The following ADGRF4 variants were observed in gnomAD, a reference collection of about 807,000 sequenced individuals.
The protein encoded by ADGRF4 is G-protein coupled receptor PGR18.
Under a neutral mutation model 58.5 loss-of-function variants are expected in ADGRF4, and 63 were observed. That is an observed-to-expected ratio of 1.08 (90% CI 0.88 to 1.33). The LOEUF is 1.33. Ranked by LOEUF, ADGRF4 falls within the 40% of genes most tolerant of loss-of-function variation. The pLI is 0.00. For synonymous variants in ADGRF4, 313 were observed against 295.4 expected (o/e 1.06, Z -0.61); for missense variants, 931 against 843.9 (o/e 1.10, Z -1.28).
Position 47,710,146 on chromosome 6 carries a change from T to G in ADGRF4, c.149-589T>G, listed in dbSNP as rs1297454490. On this transcript the variant is annotated intron_variant, in intron 3 of 9. Transcript: ENST00000283303. The stretch of plus-strand genomic sequence containing the variant: ...GATGAAATTGTTGTAAGCAGAAGCT[T>G]GTAGGACCCTAACCTTATATTACCC... 2.0e-5 allele frequency among the ~76,000 whole-genome samples: 3 copies of G among 152,196 alleles called. No homozygotes were observed. The East Asian group carries it at 5.8e-4, about 29-fold the overall frequency.
intron 1 of ADGRF4, among the ~76,000 whole-genome samples, chr6:47,706,635 A>G (rs1484225129): frequency 6.6e-6 from 1 of 152,210 alleles, no homozygotes; most frequent in East Asian, 1.9e-4. Context: ...GACAGCCCCC[A>G]ACAGCAAAGA....
intron 3 of ADGRF4, 76 bp downstream of exon 3, chr6:47,708,354 TG>T: frequency 8.9e-7 from 1 of 1,121,468 alleles, no homozygotes; most frequent in Non-Finnish European, 1.4e-6. Context: ...GTTGCAAGCT[TG>T]TCCCCAGACC....
At position 47,713,989 on chromosome 6, in the gene ADGRF4, C is replaced by G; in HGVS notation, c.744C>G (p.Asn248Lys). The G allele has an allele frequency of 9.3e-6, 15 of 1,604,762 alleles. No homozygotes were observed. Among genetic ancestry groups the G allele is most frequent in the Non-Finnish European group, 1.3e-5 (15 of 1,175,288 alleles). The change falls in exon 6 of 10, where the codon AAC (asparagine) becomes AAG (lysine). Residue 248 changes from asparagine (N) to lysine (K), a missense_variant. Physicochemically the swap from Asn to Lys is moderately conservative, Grantham distance 94. Coordinates refer to ENST00000283303, the MANE Select transcript of ADGRF4 (RefSeq NM_153838.5). Reference sequence around the variant, plus strand: ...TTCAGACAAAAGGGTTTCACATCAACCATAATACCTCAGAGAAAAGCCTCA... The same window carrying G: ...TTCAGACAAAAGGGTTTCACATCAAGCATAATACCTCAGAGAAAAGCCTCA... The part of the protein sequence containing the change: ...LFIQTKGFHI[N>K]HNTSEKSLNF...
chr6:47,710,453 T>C (rs942571054), intron 3 of ADGRF4, among the ~76,000 whole-genome samples: 1 of 152,206 alleles, frequency 6.6e-6, no homozygotes, highest in Non-Finnish European at 1.5e-5. Context: ...ACCCCTGCTT[T>C]CCTTCCCACC....
rs1462194084 is a variant in ADGRF4, at chr6:47,714,525, G to A, written c.1280G>A (p.Trp427Ter). 6 of 1,614,066 alleles carry A rather than the reference G, an allele frequency of 3.7e-6. No homozygotes were observed. The highest frequency in any genetic ancestry group is 4.2e-6 in the Non-Finnish European group (5 of 1,180,004). Residue 427 changes from tryptophan to a stop codon, truncating the protein, a stop_gained, in exon 6 of 10, where the codon TGG (tryptophan) becomes TAG (stop). Transcript: ENST00000283303. LOFTEE classifies it high-confidence loss of function. ...VLCLIIEATVWSRVVVTEISY... is the reference protein window; with the variant it reads ...VLCLIIEATV ...TGCCTGATCATTGAAGCCACAGTGT[G>A]GTCCCGGGTGGTTGTGACGGAGATA...
At chr6:47,700,604 C>T (rs142102835) in intron 1 of ADGRF4, among the ~76,000 whole-genome samples, 6 of 152,288 alleles carry the variant, frequency 3.9e-5, no homozygotes, top group East Asian at 3.9e-4. Context: ...GTGCCCATGG[C>T]GGACATCCCT....
intron 9 of ADGRF4, among the ~76,000 whole-genome samples, chr6:47,720,513 A>G (rs1219948817): frequency 6.6e-6 from 1 of 152,192 alleles, no homozygotes; most frequent in Non-Finnish European, 1.5e-5. Flanking sequence ...GGGTTGAGAC[A>G]GGTCTGTCAG....
chr6:47,713,072 T>G (rs751688601), intron 5 of ADGRF4, among the ~76,000 whole-genome samples: 7 of 152,174 alleles, frequency 4.6e-5, no homozygotes, highest in Non-Finnish European at 7.4e-5. Context: ...CGGACCTTAT[T>G]GTGAGCTGCC....
chr6:47,708,738 G>T (rs1771786960), intron 3 of ADGRF4, among the ~76,000 whole-genome samples: 1 of 152,204 alleles, frequency 6.6e-6, no homozygotes, highest in Non-Finnish European at 1.5e-5. Flanking sequence ...AACTAAGGGG[G>T]TAATCACTAG....
At chr6:47,700,762 C>A (rs777264722) in intron 1 of ADGRF4, among the ~76,000 whole-genome samples, 2 of 152,186 alleles carry the variant, frequency 1.3e-5, no homozygotes, top group African/African-American at 2.4e-5. Context: ...GCTCACCTGA[C>A]CCTCTGAGAT....
chr6:47,702,579 C>A (rs1771614725), intron 1 of ADGRF4, among the ~76,000 whole-genome samples: 1 of 152,212 alleles, frequency 6.6e-6, no homozygotes, highest in Non-Finnish European at 1.5e-5. Flanking sequence ...GCATCAACCT[C>A]AAACATAAAT....
chr6:47,711,676 C>A (rs960499619), intron 4 of ADGRF4, among the ~76,000 whole-genome samples: 7 of 152,158 alleles, frequency 4.6e-5, no homozygotes, highest in Admixed American at 2.6e-4. Context: ...GTTAAAATCT[C>A]TTTTATATCC....
intron 3 of ADGRF4, among the ~76,000 whole-genome samples, chr6:47,709,563 T>C (rs1397809258): frequency 1.3e-5 from 2 of 152,246 alleles, no homozygotes; most frequent in African/African-American, 4.8e-5. Flanking sequence ...GCATGGGTCA[T>C]ACAGACACTA....
intron 3 of ADGRF4, among the ~76,000 whole-genome samples, chr6:47,709,443 G>A (rs1241238804): frequency 6.6e-6 from 1 of 152,160 alleles, no homozygotes; most frequent in Non-Finnish European, 1.5e-5. Context: ...GACTCATATG[G>A]CCTGCAAAGC....
Position 47,714,682 on chromosome 6 carries a change from C to T in ADGRF4, c.1437C>T (p.Phe479=). ...DYNMCVAVTF[F]SHFFYLSLFF... is the part of the protein sequence containing the mutation. Reference sequence around the variant, plus strand: ...ACATGTGTGTTGCAGTGACATTTTTCAGCCACTTTTTCTACCTCTCTCTGT... The same window carrying T: ...ACATGTGTGTTGCAGTGACATTTTTTAGCCACTTTTTCTACCTCTCTCTGT... The change falls in exon 6 of 10, where the codon TTC becomes TTT. Residue 479 remains phenylalanine (F), a synonymous_variant. Coordinates refer to ENST00000283303, the MANE Select transcript of ADGRF4 (RefSeq NM_153838.5). 1 of 1,614,112 alleles carries T rather than the reference C, an allele frequency of 6.2e-7. No individual in the cohort carries two copies. The highest frequency in any genetic ancestry group is 8.5e-7 in the Non-Finnish European group (1 of 1,179,990).
At chr6:47,713,067 C>T (rs555563905) in intron 5 of ADGRF4, among the ~76,000 whole-genome samples, 30 of 152,242 alleles carry the variant, frequency 2.0e-4, no homozygotes, top group Admixed American at 5.2e-4. Flanking sequence ...AAGCACGGAC[C>T]TTATTGTGAG....
In ADGRF4 at chr6:47,715,071, T is replaced by G. The variant is rs145281342; in HGVS notation, c.1826T>G (p.Ile609Ser). 1 of 1,613,068 alleles carries G rather than the reference T, an allele frequency of 6.2e-7. No individual in the cohort carries two copies. The highest frequency in any genetic ancestry group is 8.5e-7 in the Non-Finnish European group (1 of 1,179,196). ...IIMRISKNVAILTPLLGLTWG... is the reference protein window; with the variant it reads ...IIMRISKNVASLTPLLGLTWG... ...ATGAGGATCAGCAAAAATGTTGCCA[T>G]CCTCACTCCACTGCTGGGACTGACC... The change falls in exon 6 of 10, where the codon ATC (isoleucine) becomes AGC (serine). Residue 609 changes from isoleucine to serine, a missense_variant. Physicochemically the swap from Ile to Ser is moderately radical, Grantham distance 142 (BLOSUM62 -2). Transcript: ENST00000283303.
At chr6:47,712,656 A>C (rs1771902680) in intron 5 of ADGRF4, 48 bp downstream of exon 5, 1 of 1,428,452 alleles carries the variant, frequency 7.0e-7, no homozygotes, top group African/African-American at 1.4e-5. Flanking sequence ...TAAAATTTTC[A>C]TTTGAATAGT....
chr6:47,718,153 C>G (rs1383480992), intron 8 of ADGRF4, among the ~76,000 whole-genome samples: 1 of 152,110 alleles, frequency 6.6e-6, no homozygotes, highest in African/African-American at 2.4e-5. Flanking sequence ...TATTCAATGG[C>G]ATGTCATAGT....
Sources: allele counts gnomAD v4.1 joint callset (sites outside exome capture counted in the v4.1 genomes callset), GRCh38; gene constraint gnomAD v4.1.1; transcripts MANE v1.5; gene names NCBI Gene and HGNC (gene_info 2026-07-23, HGNC 2026-07-21).